INPP4B: variants seen among roughly 807,000 people sequenced by gnomAD.
INPP4B encodes the protein inositol polyphosphate 4-phosphatase type II.
A neutral mutation model predicts 122.5 loss-of-function variants in INPP4B; 55 were observed. The observed-to-expected ratio is 0.45, with a 90% confidence interval of 0.36 to 0.56. The LOEUF is 0.56. Among genes scored for constraint, INPP4B ranks in the 20% least tolerant of loss-of-function variants. The probability of loss-of-function intolerance (pLI) is 0.00; values close to 1 mark genes in which losing one functional copy is unlikely to be tolerated. For missense variants in INPP4B, 1,000 were observed against 1,097.7 expected (o/e 0.91, Z 1.26); for synonymous variants, 403 against 388.7 (o/e 1.04, Z -0.43).
chr4:142,110,340 A>T (rs28708386), intron 22 of INPP4B, among the ~76,000 whole-genome samples: 19,076 of 152,106 alleles, frequency 0.13, 1,362 homozygotes, highest in East Asian at 0.23. Flanking sequence ...AGCTTCCTGA[A>T]CTATGAGAAA....
intron 11 of INPP4B, among the ~76,000 whole-genome samples, chr4:142,255,943 C>G (rs1209092949): frequency 6.9e-6 from 1 of 144,888 alleles, no homozygotes; most frequent in African/African-American, 2.5e-5. Context: ...AAATTGACCA[C>G]ATAGTTGGAA....
rs763314229 is a variant in INPP4B at position 142,208,539 on chromosome 4, A to G, written c.968-10T>C. On this transcript the variant is annotated splice_polypyrimidine_tract_variant and intron_variant, in intron 13 of 25. Coordinates refer to ENST00000262992, the MANE Select transcript of INPP4B (RefSeq NM_001101669.3). ...GATTTGAAAGAGGACCCTGATGGAAACCAGAAATTAAACATTATTAGTAAA... is the reference window on the plus strand; with the variant it reads ...GATTTGAAAGAGGACCCTGATGGAAGCCAGAAATTAAACATTATTAGTAAA... 144 of 1,435,672 alleles carry G rather than the reference A, an allele frequency of 1.0e-4. No homozygotes were observed. The highest frequency in any genetic ancestry group is 1.8e-5 in the Non-Finnish European group (19 of 1,037,210). The allele number at this position is 1,435,672 out of a possible 1,614,324, so 88.9% of individuals were successfully genotyped here.
At chr4:142,606,360 T>C (rs891442590) in intron 2 of INPP4B, among the ~76,000 whole-genome samples, 8 of 151,764 alleles carry the variant, frequency 5.3e-5, no homozygotes, top group Admixed American at 2.0e-4. Context: ...CTAGCAACAA[T>C]ATTACATATA....
At chr4:142,473,853 G>C (rs1162533423) in intron 2 of INPP4B, among the ~76,000 whole-genome samples, 1 of 152,222 alleles carries the variant, frequency 6.6e-6, no homozygotes, top group Non-Finnish European at 1.5e-5. Context: ...AACTCAGCTG[G>C]AAAGTGCAGC....
intron 2 of INPP4B, among the ~76,000 whole-genome samples, chr4:142,534,015 C>A (rs1827913724): frequency 6.6e-6 from 1 of 152,202 alleles, no homozygotes; most frequent in African/African-American, 2.4e-5. Flanking sequence ...TGCCATTGCA[C>A]TGGCATTGCT....
intron 1 of INPP4B, among the ~76,000 whole-genome samples, chr4:142,816,551 C>A (rs970977941): frequency 5.3e-5 from 8 of 151,848 alleles, no homozygotes; most frequent in African/African-American, 1.9e-4. Context: ...TAAATTATTT[C>A]TCATCTTAAA....
chr4:142,344,372 T>C (rs1408991788), intron 7 of INPP4B, among the ~76,000 whole-genome samples: 1 of 152,082 alleles, frequency 6.6e-6, no homozygotes, highest in Non-Finnish European at 1.5e-5. Context: ...TTAGCCAAAC[T>C]ACAAGGGTTA....
At chr4:142,041,386 G>A (rs1023329108) in intron 25 of INPP4B, among the ~76,000 whole-genome samples, 3 of 152,110 alleles carry the variant, frequency 2.0e-5, no homozygotes, top group Non-Finnish European at 4.4e-5. Context: ...GGGAGGCTGA[G>A]GTGGGCAGAT....
intron 5 of INPP4B, among the ~76,000 whole-genome samples, chr4:142,422,685 C>G (rs1473043541): frequency 6.6e-6 from 1 of 151,988 alleles, no homozygotes; most frequent in African/African-American, 2.4e-5. Context: ...TGGTCATGTG[C>G]ACCTGTGGTC....
In INPP4B at chr4:142,755,511, T is replaced by C. The variant is rs142292105; in HGVS notation, c.-253-29610A>G. ...TTTTGATTCCTTTTAAAAAGAGTTA[T>C]TGTAAGACAGACTAAAGAAAAAAAA... is the stretch of plus-strand genomic sequence containing the variant. On this transcript the variant is annotated intron_variant, in intron 1 of 25. Transcript: ENST00000262992. Among the ~76,000 whole-genome samples the C allele has an allele frequency of 1.1e-4, 17 of 152,124 alleles. No homozygotes were observed. The South Asian group carries it at 1.9e-3, about 17-fold the overall frequency.
chr4:142,255,609 G>A (rs1320442805), intron 11 of INPP4B, among the ~76,000 whole-genome samples: 1 of 152,098 alleles, frequency 6.6e-6, no homozygotes, highest in African/African-American at 2.4e-5. Context: ...GACAAAGAAG[G>A]CCATTACATA....
chr4:142,169,501 A>G (rs1824478617), intron 16 of INPP4B, among the ~76,000 whole-genome samples: 2 of 151,812 alleles, frequency 1.3e-5, no homozygotes, highest in South Asian at 4.1e-4. Context: ...TTCTTAGCAC[A>G]CTAGCTGCCT....
chr4:142,468,262 G>T (rs1055613867), intron 2 of INPP4B, among the ~76,000 whole-genome samples: 4 of 152,084 alleles, frequency 2.6e-5, no homozygotes, highest in African/African-American at 4.8e-5. Context: ...CTTACCCCAT[G>T]GAAGAAACCT....
intron 2 of INPP4B, among the ~76,000 whole-genome samples, chr4:142,647,608 T>C (rs1230966525): frequency 1.3e-5 from 2 of 152,158 alleles, no homozygotes; most frequent in Non-Finnish European, 2.9e-5. Flanking sequence ...TAACCATGTG[T>C]GAGACCAGTA....
intron 2 of INPP4B, among the ~76,000 whole-genome samples, chr4:142,682,271 C>G (rs1758727826): frequency 6.6e-6 from 1 of 151,824 alleles, no homozygotes; most frequent in Non-Finnish European, 1.5e-5. Flanking sequence ...CTCTCCCTCT[C>G]TCTCCCTCTC....
intron 9 of INPP4B, among the ~76,000 whole-genome samples, chr4:142,292,274 C>CA (rs139012075): frequency 0.044 from 6,760 of 152,228 alleles, 490 homozygotes; most frequent in African/African-American, 0.15. Context: ...CTCCTGGTAA[C>CA]AGTGATGAAA....
chr4:142,735,053 C>T (rs757241169), intron 1 of INPP4B, among the ~76,000 whole-genome samples: 1 of 152,012 alleles, frequency 6.6e-6, no homozygotes, highest in East Asian at 1.9e-4. Flanking sequence ...ATTGGAGAAC[C>T]GACGTTTCAG....
intron 2 of INPP4B, among the ~76,000 whole-genome samples, chr4:142,725,213 T>A (rs1423475486): frequency 1.3e-5 from 2 of 152,126 alleles, no homozygotes; most frequent in East Asian, 3.8e-4. Context: ...TAGAACAACA[T>A]ATGTAAATAA....
At chr4:142,283,971 A>T (rs983630481) in intron 9 of INPP4B, among the ~76,000 whole-genome samples, 40 of 152,162 alleles carry the variant, frequency 2.6e-4, no homozygotes, top group African/African-American at 8.9e-4. Flanking sequence ...CCCAGATAAC[A>T]AGGGAAGAAT....
Sources: allele counts gnomAD v4.1 joint callset (sites outside exome capture counted in the v4.1 genomes callset), GRCh38; gene constraint gnomAD v4.1.1; transcripts MANE v1.5; gene names NCBI Gene and HGNC (gene_info 2026-07-23, HGNC 2026-07-21).